LRRC4C: variants seen among roughly 807,000 people sequenced by gnomAD.
LRRC4C encodes leucine-rich repeat-containing protein 4C.
Under a neutral mutation model 33.6 loss-of-function variants are expected in LRRC4C, and 5 were observed. The ratio of observed to expected loss-of-function variants is 0.15; its 90% CI spans 0.08 to 0.31. The LOEUF (loss-of-function observed/expected upper bound fraction) is 0.31, where lower values mean the gene tolerates loss of function less well. Among genes scored for constraint, LRRC4C ranks in the 10% least tolerant of loss-of-function variants. The pLI is 1.00. For missense variants in LRRC4C, 560 were observed against 796.7 expected, an observed-to-expected ratio of 0.70 and a Z score of 3.58; for synonymous variants, 329 against 302.0, an observed-to-expected ratio of 1.09 and a Z score of -0.93.
intron 1 of LRRC4C, among the ~76,000 whole-genome samples, chr11:41,115,011 A>G (rs542373500): frequency 3.3e-5 from 5 of 152,230 alleles, no homozygotes; most frequent in African/African-American, 1.2e-4. Flanking sequence ...CCATTTTTTC[A>G]TAACTGTTGA....
At chr11:40,668,242 TA>T (rs1372384114) in intron 2 of LRRC4C, among the ~76,000 whole-genome samples, 6 of 152,220 alleles carry the variant, frequency 3.9e-5, no homozygotes, top group Admixed American at 3.3e-4. Context: ...CATTTTCTTG[TA>T]AAGTAAATCA....
chr11:41,335,218 T>A (rs1360164735), intron 1 of LRRC4C, among the ~76,000 whole-genome samples: 12 of 152,206 alleles, frequency 7.9e-5, no homozygotes, highest in Admixed American at 7.9e-4. Flanking sequence ...GCTTGGAATA[T>A]AAAGATAAGT....
At chr11:41,344,110 G>C (rs1951723519) in intron 1 of LRRC4C, among the ~76,000 whole-genome samples, 1 of 151,964 alleles carries the variant, frequency 6.6e-6, no homozygotes. Context: ...CCAAGCCCTA[G>C]ATCAGAAGTG....
intron 2 of LRRC4C, among the ~76,000 whole-genome samples, chr11:40,792,250 G>A (rs1197312084): frequency 6.6e-6 from 1 of 150,676 alleles, no homozygotes; most frequent in Non-Finnish European, 1.5e-5. Context: ...CGCTTCCAAG[G>A]AGTAAAAAAA....
chr11:41,236,643 G>C (rs1043942621), intron 1 of LRRC4C, among the ~76,000 whole-genome samples: 2 of 151,788 alleles, frequency 1.3e-5, no homozygotes, highest in Non-Finnish European at 2.9e-5. Context: ...GGTGAATTTT[G>C]GTAATTTTTT....
At chr11:40,753,390 G>A (rs1565016815) in intron 2 of LRRC4C, among the ~76,000 whole-genome samples, 3 of 151,190 alleles carry the variant, frequency 2.0e-5, no homozygotes, top group Admixed American at 6.6e-5. Context: ...ATACTCACAT[G>A]TACCATATAT....
At chr11:40,270,550 A>T (rs190993184) in intron 4 of LRRC4C, among the ~76,000 whole-genome samples, 94 of 152,142 alleles carry the variant, frequency 6.2e-4, no homozygotes, top group Non-Finnish European at 1.1e-3. Context: ...CAACCTATGA[A>T]TTTTGAGGGA....
chr11:40,748,601 A>G (rs1332011736), intron 2 of LRRC4C, among the ~76,000 whole-genome samples: 1 of 152,126 alleles, frequency 6.6e-6, no homozygotes, highest in Admixed American at 6.5e-5. Flanking sequence ...AAAGAACCAA[A>G]AAACAATTGA....
intron 2 of LRRC4C, among the ~76,000 whole-genome samples, chr11:40,831,829 C>A (rs571844809): frequency 3.9e-5 from 6 of 152,102 alleles, no homozygotes; most frequent in Middle Eastern, 3.4e-3. Context: ...ATGGGAGAAA[C>A]CTGCCCCCAT....
At chr11:40,744,068 A>T (rs567531231) in intron 2 of LRRC4C, among the ~76,000 whole-genome samples, 1 of 152,234 alleles carries the variant, frequency 6.6e-6, no homozygotes, top group Non-Finnish European at 1.5e-5. Flanking sequence ...ATGTATGTAC[A>T]TTTCTTTGTG....
chr11:41,092,251 T>C (rs1940479551), intron 1 of LRRC4C, among the ~76,000 whole-genome samples: 2 of 152,148 alleles, frequency 1.3e-5, no homozygotes, highest in Non-Finnish European at 2.9e-5. Context: ...CTTTGTTATC[T>C]TGGAGGCATC....
rs367781909 is a variant in LRRC4C at position 40,119,882 on chromosome 11, C to T, written c.-42-3548G>A. On this transcript the variant is annotated intron_variant, in intron 6 of 6. Coordinates refer to ENST00000528697, the MANE Select transcript of LRRC4C (RefSeq NM_001258419.2). ...GACTCTTAACACTCACACCACCATT[C>T]CCCTGCCCTAATCACCCCACGTCCA... 9.9e-4 allele frequency among the ~76,000 whole-genome samples: 151 copies of T among 152,252 alleles called. 3 individuals carry two copies. The South Asian group carries it at 0.018, about 18-fold the overall frequency.
At chr11:40,813,443 G>A (rs1951576370) in intron 2 of LRRC4C, among the ~76,000 whole-genome samples, 1 of 152,054 alleles carries the variant, frequency 6.6e-6, no homozygotes, top group Non-Finnish European at 1.5e-5. Flanking sequence ...GTAACATTAT[G>A]GGGAAAACTG....
intron 1 of LRRC4C, among the ~76,000 whole-genome samples, chr11:41,394,386 C>T (rs1275224621): frequency 6.6e-6 from 1 of 151,904 alleles, no homozygotes; most frequent in East Asian, 1.9e-4. Flanking sequence ...GAGTATGCGT[C>T]TCTCCTTTTT....
chr11:40,211,766 A>G (rs559127153), intron 5 of LRRC4C, among the ~76,000 whole-genome samples: 1 of 152,310 alleles, frequency 6.6e-6, no homozygotes, highest in East Asian at 1.9e-4. Flanking sequence ...AAAGATGTAA[A>G]TTCAGACTAG....
chr11:41,018,620 A>AAGGC (rs1212366360), intron 1 of LRRC4C, among the ~76,000 whole-genome samples: 2 of 152,134 alleles, frequency 1.3e-5, no homozygotes, highest in African/African-American at 2.4e-5. Flanking sequence ...TGTTGATACC[A>AAGGC]AGGCCCCTTA....
chr11:40,183,929 T>A lies in LRRC4C; in HGVS notation c.-95-43076A>T, dbSNP rs542073141. On this transcript the variant is annotated intron_variant, in intron 5 of 6. Coordinates refer to ENST00000528697, the MANE Select transcript of LRRC4C (RefSeq NM_001258419.2). ...CTTGAGAGGGGTCAAGAGTTGAGTG[T>A]CAGAGGGTCCTGAAAAAGACAATAA... is the stretch of plus-strand genomic sequence containing the variant. 2.3e-3 allele frequency among the ~76,000 whole-genome samples: 354 copies of A among 152,198 alleles called. 1 individual carries two copies. The highest frequency in any genetic ancestry group is 4.4e-3 in the Non-Finnish European group (298 of 68,040).
intron 1 of LRRC4C, among the ~76,000 whole-genome samples, chr11:40,981,371 G>T (rs959289057): frequency 6.6e-6 from 1 of 151,100 alleles, no homozygotes; most frequent in African/African-American, 2.4e-5. Flanking sequence ...CAGAGATCAC[G>T]CCACTGCATT....
chr11:40,449,967 G>T (rs1337251878), intron 3 of LRRC4C, among the ~76,000 whole-genome samples: 1 of 152,036 alleles, frequency 6.6e-6, no homozygotes, highest in Non-Finnish European at 1.5e-5. Flanking sequence ...AATTACGTTG[G>T]GTGTTCAATA....
Sources: allele counts gnomAD v4.1 joint callset (sites outside exome capture counted in the v4.1 genomes callset), GRCh38; gene constraint gnomAD v4.1.1; transcripts MANE v1.5; gene names NCBI Gene and HGNC (gene_info 2026-07-23, HGNC 2026-07-21).